Variants in TP63 observed in about 807,000 individuals in gnomAD.
TP63 encodes the protein tumor protein 63.
In TP63, 17 loss-of-function variants were observed where a neutral mutation model predicts 82.8. The observed-to-expected ratio is 0.21, with a 90% confidence interval of 0.14 to 0.31. The LOEUF is 0.31. Ranked by LOEUF, TP63 falls within the 10% of genes least tolerant of loss-of-function variation. TP63 has a pLI of 1.00. For synonymous variants in TP63, 330 were observed against 321.7 expected, an observed-to-expected ratio of 1.03 and a Z score of -0.28; for missense variants, 648 against 895.3, an observed-to-expected ratio of 0.72 and a Z score of 3.52.
intron 4 of TP63, among the ~76,000 whole-genome samples, chr3:189,859,023 TAGAC>T (rs1431229729): frequency 1.3e-5 from 2 of 152,240 alleles, no homozygotes; most frequent in Non-Finnish European, 2.9e-5. Flanking sequence ...ATATTACAGT[TAGAC>T]AGAAGGAATA....
At chr3:189,778,891 TATA>T in intron 3 of TP63, among the ~76,000 whole-genome samples, 1 of 152,196 alleles carries the variant, frequency 6.6e-6, no homozygotes. Flanking sequence ...TTAAGATCGG[TATA>T]ATATTACCAT....
At chr3:189,604,805 T>TAA in the TP63 span, among the ~76,000 whole-genome samples, 2,041 of 152,352 alleles carry the variant, frequency 0.013, 23 homozygotes, top group East Asian at 0.044. Context: ...AAGCTGTTTG[T>TAA]AAAACTTTCA....
At chr3:189,609,637 T>C in the TP63 span, among the ~76,000 whole-genome samples, 5 of 152,122 alleles carry the variant, frequency 3.3e-5, no homozygotes, top group African/African-American at 9.7e-5. Context: ...GCAGTATTTG[T>C]TTTTCTGTTC....
chr3:189,661,792 A>G (rs1046032176), intron 1 of TP63, among the ~76,000 whole-genome samples: 1 of 151,942 alleles, frequency 6.6e-6, no homozygotes, highest in Non-Finnish European at 1.5e-5. Flanking sequence ...TCCTGCTTCA[A>G]TCCTGAGAGG....
chr3:189,805,876 T>C (rs1726830414), intron 3 of TP63, among the ~76,000 whole-genome samples: 1 of 152,120 alleles, frequency 6.6e-6, no homozygotes, highest in Admixed American at 6.5e-5. Flanking sequence ...CCAAAAACCC[T>C]GGCTCAAAAC....
At chr3:189,722,822 A>T (rs1184663689) in intron 1 of TP63, among the ~76,000 whole-genome samples, 1 of 152,256 alleles carries the variant, frequency 6.6e-6, no homozygotes, top group Admixed American at 6.5e-5. Flanking sequence ...ATTTTGTTCA[A>T]GTATTAAAGT....
In TP63 at chr3:189,647,126, G is replaced by A. The variant is rs373112064; in HGVS notation, c.62+15549G>A. On this transcript the variant is annotated intron_variant, in intron 1 of 13. Transcript: ENST00000264731. ...TTGGTCGCTTCCAAGAACTCCAACA[G>A]CCTTAACAAATAGACATCAGTGTTC... Among the ~76,000 whole-genome samples, 2 of 146,934 alleles carry A rather than the reference G, an allele frequency of 1.4e-5. 1 individual carries two copies. The highest frequency in any genetic ancestry group is 5.1e-5 in the African/African-American group (2 of 39,286).
At chr3:189,662,396 G>A (rs565431903) in intron 1 of TP63, among the ~76,000 whole-genome samples, 1 of 151,870 alleles carries the variant, frequency 6.6e-6, no homozygotes, top group Non-Finnish European at 1.5e-5. Flanking sequence ...TCTTGGTATT[G>A]ATTTCTACTT....
intron 3 of TP63, among the ~76,000 whole-genome samples, chr3:189,747,390 A>G (rs1369862667): frequency 2.6e-5 from 4 of 151,970 alleles, no homozygotes; most frequent in Non-Finnish European, 5.9e-5. Context: ...TTGAAATTAC[A>G]TCAAGTTTCT....
intron 1 of TP63, among the ~76,000 whole-genome samples, chr3:189,685,812 A>G (rs553219935): frequency 1.3e-5 from 2 of 152,334 alleles, no homozygotes; most frequent in African/African-American, 4.8e-5. Context: ...TAGGATGTGA[A>G]TCAGAGGTAA....
chr3:189,801,799 C>CA (rs1576988935), intron 3 of TP63, among the ~76,000 whole-genome samples: 1 of 152,190 alleles, frequency 6.6e-6, no homozygotes, highest in Non-Finnish European at 1.5e-5. Flanking sequence ...TCTCTGCTTA[C>CA]AGTCTTGATA....
chr3:189,676,727 C>T (rs1366531335), intron 1 of TP63, among the ~76,000 whole-genome samples: 1 of 152,020 alleles, frequency 6.6e-6, no homozygotes, highest in Non-Finnish European at 1.5e-5. Context: ...GCCCCCTGCC[C>T]ACAGACTGGT....
At chr3:189,614,151 C>G in the TP63 span, among the ~76,000 whole-genome samples, 27 of 152,160 alleles carry the variant, frequency 1.8e-4, no homozygotes, top group Non-Finnish European at 3.4e-4. Context: ...CCATTCAAAT[C>G]TCAACTTGAA....
intron 1 of TP63, among the ~76,000 whole-genome samples, chr3:189,682,879 T>C (rs1188839297): frequency 1.3e-5 from 2 of 152,106 alleles, no homozygotes; most frequent in African/African-American, 4.8e-5. Context: ...TCATTGGATC[T>C]CTGGAGTCTC....
intron 1 of TP63, among the ~76,000 whole-genome samples, chr3:189,722,312 G>T (rs1369946339): frequency 6.6e-6 from 1 of 152,202 alleles, no homozygotes; most frequent in Non-Finnish European, 1.5e-5. Flanking sequence ...TTTGGAATTG[G>T]CAGGTAAGGA....
intron 3 of TP63, among the ~76,000 whole-genome samples, chr3:189,779,218 C>T (rs763971967): frequency 2.8e-4 from 42 of 152,164 alleles, no homozygotes; most frequent in Non-Finnish European, 5.0e-4. Flanking sequence ...CATCACTCCT[C>T]GAGTATTTTT....
intron 3 of TP63, among the ~76,000 whole-genome samples, chr3:189,741,227 A>G (rs1720963022): frequency 6.6e-6 from 1 of 151,092 alleles, no homozygotes; most frequent in Non-Finnish European, 1.5e-5. Context: ...ACCCTGAGAT[A>G]TTCCTAACAA....
chr3:189,733,308 C>A (rs1039848342), intron 1 of TP63, among the ~76,000 whole-genome samples: 4 of 152,206 alleles, frequency 2.6e-5, no homozygotes, highest in African/African-American at 9.6e-5. Context: ...CTATGTAACA[C>A]TCTTTTCTGA....
At chr3:189,838,556 G>A (rs1713483308) in intron 4 of TP63, among the ~76,000 whole-genome samples, 2 of 152,076 alleles carry the variant, frequency 1.3e-5, no homozygotes, top group Admixed American at 1.3e-4. Flanking sequence ...TAGAGGAAAG[G>A]GTTTGTTTAA....
Sources: allele counts gnomAD v4.1 joint callset (sites outside exome capture counted in the v4.1 genomes callset), GRCh38; gene constraint gnomAD v4.1.1; transcripts MANE v1.5; gene names NCBI Gene and HGNC (gene_info 2026-07-23, HGNC 2026-07-21).